CNTNAP2: variants seen among roughly 807,000 people sequenced by gnomAD.
The protein encoded by CNTNAP2 is contactin associated protein 2.
In CNTNAP2, 98 loss-of-function variants were observed where a neutral mutation model predicts 155.2. The observed-to-expected ratio is 0.63, with a 90% CI of 0.54 to 0.75. The LOEUF is 0.75. Among genes scored for constraint, CNTNAP2 ranks in the 30% least tolerant of loss-of-function variants. The pLI is 0.00. For missense variants in CNTNAP2, 1,727 were observed against 1,688.1 expected, an observed-to-expected ratio of 1.02 and a Z score of -0.40; for synonymous variants, 651 against 631.2, an observed-to-expected ratio of 1.03 and a Z score of -0.47.
At chr7:147,534,394 T>C (rs1799504290) in intron 11 of CNTNAP2, among the ~76,000 whole-genome samples, 1 of 152,184 alleles carries the variant, frequency 6.6e-6, no homozygotes, top group South Asian at 2.1e-4. Flanking sequence ...CTTAGAATTA[T>C]ATTTCTTAAC....
chr7:146,234,944 T>A lies in CNTNAP2; in HGVS notation c.97+117971T>A, dbSNP rs559246119. ...GATAATATTGAAATTGCTTAATGAT[T>A]TTATTTATTCCTTGGAGAGGTGGAT... On this transcript the variant is annotated intron_variant, in intron 1 of 23. Coordinates refer to ENST00000361727, the MANE Select transcript of CNTNAP2 (RefSeq NM_014141.6). Among the ~76,000 whole-genome samples the A allele has an allele frequency of 5.9e-5, 9 of 152,286 alleles. No homozygotes were observed. The South Asian group carries it at 1.9e-3, about 32-fold the overall frequency.
intron 9 of CNTNAP2, among the ~76,000 whole-genome samples, chr7:147,381,041 CG>C (rs1796526545): frequency 6.6e-6 from 1 of 151,802 alleles, no homozygotes; most frequent in Admixed American, 6.6e-5. Context: ...TATTTTTAAA[CG>C]TGAGAAACTT....
At chr7:146,508,389 A>G (rs1563112454) in intron 1 of CNTNAP2, among the ~76,000 whole-genome samples, 1 of 152,222 alleles carries the variant, frequency 6.6e-6, no homozygotes, top group Non-Finnish European at 1.5e-5. Context: ...GGAGATATAC[A>G]CAGTTTATAA....
At chr7:146,130,216 C>G (rs1257548653) in intron 1 of CNTNAP2, among the ~76,000 whole-genome samples, 1 of 152,310 alleles carries the variant, frequency 6.6e-6, no homozygotes, top group Admixed American at 6.5e-5. Flanking sequence ...TATCCCAGCA[C>G]TTTGGGAGGC....
intron 13 of CNTNAP2, among the ~76,000 whole-genome samples, chr7:147,708,333 A>T (rs984754219): frequency 2.0e-5 from 3 of 152,128 alleles, no homozygotes; most frequent in African/African-American, 4.8e-5. Flanking sequence ...AATGGCTTGC[A>T]CTTGAATATT....
At chr7:147,457,461 T>G (rs1302387992) in intron 10 of CNTNAP2, among the ~76,000 whole-genome samples, 3 of 152,146 alleles carry the variant, frequency 2.0e-5, no homozygotes, top group African/African-American at 7.2e-5. Context: ...CTGTTCTGTA[T>G]CCCCTGAACC....
At chr7:147,472,427 G>T (rs1798241488) in intron 10 of CNTNAP2, among the ~76,000 whole-genome samples, 1 of 151,822 alleles carries the variant, frequency 6.6e-6, no homozygotes, top group South Asian at 2.1e-4. Flanking sequence ...TGGCCAGGCT[G>T]GTCTCAAACT....
intron 1 of CNTNAP2, among the ~76,000 whole-genome samples, chr7:146,490,018 C>A (rs1797115720): frequency 6.6e-6 from 1 of 152,126 alleles, no homozygotes; most frequent in Admixed American, 6.5e-5. Flanking sequence ...GAAAGCGCAT[C>A]AAATGGGAAG....
At chr7:146,883,069 T>A (rs565791950) in intron 3 of CNTNAP2, among the ~76,000 whole-genome samples, 18 of 152,330 alleles carry the variant, frequency 1.2e-4, no homozygotes, top group African/African-American at 4.1e-4. Flanking sequence ...TATGTACTTT[T>A]TAACTATTTG....
chr7:147,091,796 C>T (rs1244137471), intron 4 of CNTNAP2, among the ~76,000 whole-genome samples: 9 of 152,024 alleles, frequency 5.9e-5, no homozygotes, highest in African/African-American at 1.9e-4. Context: ...TTAGTAGAGA[C>T]GGAATTTCAC....
Position 146,772,542 on chromosome 7 carries a change from G to A in CNTNAP2, c.98-1729G>A, listed in dbSNP as rs568584006. Among the ~76,000 whole-genome samples, 103 of 150,816 alleles carry A rather than the reference G, an allele frequency of 6.8e-4. 1 individual carries two copies. Among genetic ancestry groups the A allele is most frequent in the Non-Finnish European group, 1.0e-3 (69 of 67,838 alleles). ...AAAATAGCTGTACTTGGTGGCACACGCCTGTAATCCCAGCTACTCAGGAGG... is the reference window on the plus strand; with the variant it reads ...AAAATAGCTGTACTTGGTGGCACACACCTGTAATCCCAGCTACTCAGGAGG... On this transcript the variant is annotated intron_variant, in intron 1 of 23. Coordinates refer to ENST00000361727, the MANE Select transcript of CNTNAP2 (RefSeq NM_014141.6).
intron 3 of CNTNAP2, among the ~76,000 whole-genome samples, chr7:147,000,060 T>C (rs1434146311): frequency 6.6e-6 from 1 of 152,008 alleles, no homozygotes; most frequent in Non-Finnish European, 1.5e-5. Flanking sequence ...GCATTTTCTT[T>C]ATTTTTATTT....
intron 4 of CNTNAP2, among the ~76,000 whole-genome samples, chr7:147,100,481 C>A (rs1800631111): frequency 6.6e-6 from 1 of 152,102 alleles, no homozygotes; most frequent in Admixed American, 6.6e-5. Flanking sequence ...TATGCAAGTT[C>A]CTCATTAATG....
chr7:146,380,644 A>G (rs1376488147), intron 1 of CNTNAP2, among the ~76,000 whole-genome samples: 1 of 151,896 alleles, frequency 6.6e-6, no homozygotes, highest in African/African-American at 2.4e-5. Context: ...TGCATTTCCC[A>G]TTACTCTACC....
chr7:147,555,908 T>C (rs1454918447), intron 11 of CNTNAP2, among the ~76,000 whole-genome samples: 1 of 152,260 alleles, frequency 6.6e-6, no homozygotes, highest in Non-Finnish European at 1.5e-5. Context: ...ACCCTATCCA[T>C]TCTTTAATCG....
intron 1 of CNTNAP2, among the ~76,000 whole-genome samples, chr7:146,367,269 T>A (rs1327949748): frequency 6.6e-6 from 1 of 152,176 alleles, no homozygotes; most frequent in African/African-American, 2.4e-5. Context: ...GGGGTAATTA[T>A]TATCAAATAT....
intron 15 of CNTNAP2, among the ~76,000 whole-genome samples, chr7:148,072,384 T>C (rs1032457757): frequency 6.6e-6 from 1 of 152,096 alleles, no homozygotes; most frequent in Non-Finnish European, 1.5e-5. Context: ...TCTGCCATCA[T>C]ATTGTGAGAG....
At chr7:146,630,669 A>C (rs1013469474) in intron 1 of CNTNAP2, among the ~76,000 whole-genome samples, 7 of 152,080 alleles carry the variant, frequency 4.6e-5, no homozygotes, top group African/African-American at 1.7e-4. Flanking sequence ...AATAATTGCC[A>C]TTCTGACTGG....
intron 1 of CNTNAP2, among the ~76,000 whole-genome samples, chr7:146,403,351 G>A (rs1240736113): frequency 6.6e-6 from 1 of 152,024 alleles, no homozygotes; most frequent in Non-Finnish European, 1.5e-5. Flanking sequence ...TGATGAATGG[G>A]TGGCTTCCTT....
Sources: allele counts gnomAD v4.1 joint callset (sites outside exome capture counted in the v4.1 genomes callset), GRCh38; gene constraint gnomAD v4.1.1; transcripts MANE v1.5; gene names NCBI Gene and HGNC (gene_info 2026-07-23, HGNC 2026-07-21).